Variants in UBA2 observed in about 807,000 individuals in gnomAD.
The protein encoded by UBA2 is ubiquitin like modifier activating enzyme 2.
Under a neutral mutation model 77.2 loss-of-function variants are expected in UBA2, and 11 were observed. That is an observed-to-expected ratio of 0.14 (90% CI 0.09 to 0.24). UBA2 has a LOEUF of 0.24. Ranked by LOEUF, UBA2 falls within the 10% of genes least tolerant of loss-of-function variation. The pLI is 1.00. For synonymous variants in UBA2, 278 were observed against 276.7 expected (o/e 1.00, Z -0.05); for missense variants, 487 against 781.7 (o/e 0.62, Z 4.50).
chr19:34,439,206 C>CA (rs34519506), intron 6 of UBA2, among the ~76,000 whole-genome samples: 3,291 of 86,974 alleles, frequency 0.038, 49 homozygotes, highest in Admixed American at 0.075. Context: ...GAATTTGTCT[C>CA]AAAAAAAAAA....
chr19:34,448,536 A>G (rs2075456367), intron 8 of UBA2, among the ~76,000 whole-genome samples: 1 of 152,164 alleles, frequency 6.6e-6, no homozygotes, highest in Non-Finnish European at 1.5e-5. Context: ...TTGAGACTTC[A>G]GTGAGCTATG....
rs1433789214 is a variant in UBA2 at position 34,445,141 on chromosome 19, T to G, written c.771+20T>G. 6.2e-7 allele frequency: 1 copy of G among 1,603,316 alleles called. No homozygotes were observed. Among genetic ancestry groups the G allele is most frequent in the Non-Finnish European group, 8.5e-7 (1 of 1,174,188 alleles). ...ACCAAGGTTAGATTTACTTTTTTTA[T>G]AATCATGGATAGATGTATTGTTGTG... On this transcript the variant is annotated intron_variant, in intron 8 of 16. Transcript: ENST00000246548.
chr19:34,444,033 GTTT>G (rs374959938), intron 7 of UBA2, 122 bp downstream of exon 7: 4 of 203,066 alleles, frequency 2.0e-5, no homozygotes, highest in Admixed American at 7.6e-5. Context: ...TTTAACATGT[GTTT>G]TTTTTTTGTT....
In UBA2 at chr19:34,464,060, T is replaced by C. The variant is rs776805745; in HGVS notation, c.1533T>C (p.Ile511=). The C allele has an allele frequency of 6.2e-7, 1 of 1,614,008 alleles. No individual in the cohort carries two copies. The highest frequency in any genetic ancestry group is 1.1e-5 in the South Asian group (1 of 91,076). The change falls in exon 15 of 17, where the codon ATT becomes ATC. Residue 511 remains isoleucine, a synonymous_variant. Transcript: ENST00000246548. ...ACAAGAAGTTGTCAGAATTTGGAAT[T>C]AGAAATGGCAGCCGGCTTCAAGCAG... is the stretch of plus-strand genomic sequence containing the variant. ...NNHKKLSEFG[I]RNGSRLQADD...
chr19:34,433,437 T>C, intron 4 of UBA2, 25 bp downstream of exon 4: 1 of 1,407,274 alleles, frequency 7.1e-7, no homozygotes, highest in Non-Finnish European at 1.0e-6. Flanking sequence ...ATACTTTTAA[T>C]TTCTCAGTAT....
At chr19:34,457,652 A>AT (rs983505227) in intron 12 of UBA2, among the ~76,000 whole-genome samples, 1 of 152,110 alleles carries the variant, frequency 6.6e-6, no homozygotes, top group Non-Finnish European at 1.5e-5. Flanking sequence ...CTCTTGAGGG[A>AT]TTTAGTTCTG....
intron 16 of UBA2, among the ~76,000 whole-genome samples, chr19:34,467,974 C>T (rs2075705219): frequency 6.6e-6 from 1 of 152,144 alleles, no homozygotes. Context: ...TTTGAGTGAA[C>T]AGGTGCTTGT....
At chr19:34,465,807 A>G (rs117221202) in intron 15 of UBA2, among the ~76,000 whole-genome samples, 6,113 of 152,296 alleles carry the variant, frequency 0.04, 184 homozygotes, top group Admixed American at 0.11. Flanking sequence ...CATGTACAAT[A>G]AAGTGGAAAT....
At position 34,435,271 on chromosome 19, in the gene UBA2, G is replaced by A. The variant is rs531262656; in HGVS notation, c.459+303G>A. 1.1e-4 allele frequency among the ~76,000 whole-genome samples: 16 copies of A among 152,164 alleles called. No individual in the cohort carries two copies. The East Asian group carries it at 2.7e-3, about 26-fold the overall frequency. On this transcript the variant is annotated intron_variant, in intron 5 of 16. Transcript: ENST00000246548. ...AAATTAGCTGGACATGGTGGCCGGC[G>A]CCTGTAATCCCAGCTACTTGGGAGG...
At chr19:34,452,788 G>A (rs1314178895) in intron 10 of UBA2, among the ~76,000 whole-genome samples, 4 of 152,102 alleles carry the variant, frequency 2.6e-5, no homozygotes, top group Non-Finnish European at 4.4e-5. Flanking sequence ...AGGCATAAAG[G>A]CCAATTTTAG....
chr19:34,455,492 A>C (rs1271700872), intron 12 of UBA2, among the ~76,000 whole-genome samples: 2 of 152,114 alleles, frequency 1.3e-5, no homozygotes, highest in African/African-American at 4.8e-5. Flanking sequence ...CAGCTCAAGA[A>C]GGCTTCCTAG....
rs150282508 is a variant in UBA2, at chr19:34,465,519, C to G, written c.1605-1359C>G. Among the ~76,000 whole-genome samples the G allele has an allele frequency of 8.6e-5, 13 of 152,044 alleles. No homozygotes were observed. In the East Asian group the frequency reaches 2.3e-3, roughly 27 times the overall value. ...GGGTGTGGTGGCATGTGCCTGCAGTCCCAGCTACTCAGGAGGCTGAGGCGG... is the reference window on the plus strand; with the variant it reads ...GGGTGTGGTGGCATGTGCCTGCAGTGCCAGCTACTCAGGAGGCTGAGGCGG... On this transcript the variant is annotated intron_variant, in intron 15 of 16. Coordinates refer to ENST00000246548, the MANE Select transcript of UBA2 (RefSeq NM_005499.3).
chr19:34,429,107 A>G (rs998414857), intron 1 of UBA2: 1 of 983,838 alleles, frequency 1.0e-6, no homozygotes, highest in Non-Finnish European at 1.2e-6. Flanking sequence ...ACCCTGCTTT[A>G]TTTTTAACAG....
chr19:34,438,611 T>G (rs1432486435), intron 5 of UBA2, 34 bp from the exon 6 acceptor site: 1 of 1,610,614 alleles, frequency 6.2e-7, no homozygotes, highest in Non-Finnish European at 8.5e-7. Context: ...ACTGCCATCA[T>G]GGAGTAAATT....
At chr19:34,451,225 A>G (rs975142803) in intron 9 of UBA2, among the ~76,000 whole-genome samples, 3 of 152,064 alleles carry the variant, frequency 2.0e-5, no homozygotes, top group African/African-American at 7.2e-5. Context: ...ACTCCCCTTT[A>G]ACACTCCTTG....
intron 15 of UBA2, among the ~76,000 whole-genome samples, chr19:34,466,585 T>C (rs187688031): frequency 1.1e-3 from 162 of 152,224 alleles, no homozygotes; most frequent in Middle Eastern, 0.01. Context: ...TTATTATAAG[T>C]TCAGTGCTTT....
intron 5 of UBA2, among the ~76,000 whole-genome samples, chr19:34,436,856 C>T (rs188667875): frequency 4.6e-5 from 7 of 152,262 alleles, no homozygotes; most frequent in Admixed American, 1.3e-4. Flanking sequence ...TTATTGAATA[C>T]CATTCTACAA....
chr19:34,430,680 A>G (rs761132998), intron 2 of UBA2, 21 bp downstream of exon 2: 41 of 1,582,886 alleles, frequency 2.6e-5, no homozygotes, highest in Non-Finnish European at 3.4e-5. Context: ...TTCTCATACC[A>G]TTTCTATAAC....
At chr19:34,451,771 C>T (rs974376843) in intron 9 of UBA2, among the ~76,000 whole-genome samples, 1 of 151,966 alleles carries the variant, frequency 6.6e-6, no homozygotes, top group African/African-American at 2.4e-5. Context: ...TGGTCTCGAT[C>T]TCCTGACCTC....
Sources: allele counts gnomAD v4.1 joint callset (sites outside exome capture counted in the v4.1 genomes callset), GRCh38; gene constraint gnomAD v4.1.1; transcripts MANE v1.5; gene names NCBI Gene and HGNC (gene_info 2026-07-23, HGNC 2026-07-21).